The following INSYN2A variants were observed in gnomAD, a reference collection of about 807,000 sequenced individuals.
INSYN2A encodes the protein inhibitory synaptic factor 2A, also known as family with sequence similarity 196 member A.
INSYN2A carries 17 observed loss-of-function variants against 39.4 expected under a neutral mutation model. The ratio of observed to expected loss-of-function variants is 0.43; its 90% CI spans 0.30 to 0.65. The LOEUF (loss-of-function observed/expected upper bound fraction) is 0.65, where lower values mean the gene tolerates loss of function less well. Among genes scored for constraint, INSYN2A ranks in the 30% least tolerant of loss-of-function variants. The probability of loss-of-function intolerance (pLI) is 0.14; values close to 1 mark genes in which losing one functional copy is unlikely to be tolerated. For synonymous variants in INSYN2A, 255 were observed against 265.7 expected (o/e 0.96, Z 0.39); for missense variants, 595 against 631.2 (o/e 0.94, Z 0.61).
rs376988297 is a variant in INSYN2A, at chr10:127,175,877, C to G, written c.519G>C (p.Leu173Phe). Residue 173 changes from leucine to phenylalanine, a missense_variant, in exon 4 of 6, where the codon TTG becomes TTC. Coordinates refer to ENST00000522781, the MANE Select transcript of INSYN2A (RefSeq NM_001039762.3). This position sits in a 1 kb window ranked among gnomAD's most constrained non-coding sequence, Gnocchi z 6.3. ...GAGRVHKTTA[L>F]VFHSNQHMNT... is the part of the protein sequence containing the mutation. ...TCATGTGTTGGTTGGAATGGAAAACCAAGGCTGTGGTCTTGTGCACCCGCC... is the reference window on the plus strand; with the variant it reads ...TCATGTGTTGGTTGGAATGGAAAACGAAGGCTGTGGTCTTGTGCACCCGCC... 5 of 1,614,058 alleles carry G rather than the reference C, an allele frequency of 3.1e-6. No homozygotes were observed. The African/African-American group carries it at 6.7e-5, about 22-fold the overall frequency.
intron 1 of INSYN2A, among the ~76,000 whole-genome samples, chr10:127,193,715 C>G (rs748825552): frequency 6.6e-6 from 1 of 152,176 alleles, no homozygotes; most frequent in Non-Finnish European, 1.5e-5. Flanking sequence ...ATGCCTTTCA[C>G]GTACAAGTCT....
chr10:127,141,682 A>C (rs9418746), intron 5 of INSYN2A, among the ~76,000 whole-genome samples: 36,809 of 151,770 alleles, frequency 0.24, 5,338 homozygotes, highest in Middle Eastern at 0.43. Context: ...AAAACAAAAA[A>C]AAAAAAAAAG....
At chr10:127,193,632 G>A (rs1249192346) in intron 1 of INSYN2A, among the ~76,000 whole-genome samples, 8 of 152,184 alleles carry the variant, frequency 5.3e-5, no homozygotes, top group Non-Finnish European at 8.8e-5. Flanking sequence ...ACTGCGATCC[G>A]TTGTTATTTC....
At chr10:127,162,752 A>G (rs1413591) in intron 4 of INSYN2A, among the ~76,000 whole-genome samples, 76,871 of 152,170 alleles carry the variant, frequency 0.51, 21,499 homozygotes, top group East Asian at 0.75. Flanking sequence ...AGGAGCCGAC[A>G]TAACGAGCCG....
chr10:127,195,357 C>T (rs554086223), intron 1 of INSYN2A, among the ~76,000 whole-genome samples: 1 of 152,338 alleles, frequency 6.6e-6, no homozygotes, highest in South Asian at 2.1e-4. Context: ...CTGACTCGGG[C>T]TGCCAGGCAC....
chr10:127,192,198 G>A, intron 2 of INSYN2A, among the ~76,000 whole-genome samples: 1 of 152,148 alleles, frequency 6.6e-6, no homozygotes, highest in East Asian at 1.9e-4. Context: ...GTGGTAAAGA[G>A]AACATGTCTA....
chr10:127,169,911 C>T (rs1405156707), intron 4 of INSYN2A, among the ~76,000 whole-genome samples: 2 of 152,132 alleles, frequency 1.3e-5, no homozygotes, highest in Non-Finnish European at 2.9e-5. Context: ...CTCGTTCCAT[C>T]CCTCAGCTCT....
chr10:127,178,983 T>C (rs1010589084), intron 2 of INSYN2A, among the ~76,000 whole-genome samples: 3 of 152,224 alleles, frequency 2.0e-5, no homozygotes, highest in Non-Finnish European at 4.4e-5. Flanking sequence ...TAACTGCCTT[T>C]GTTGTCCAGG....
chr10:127,138,152 C>G, intron 5 of INSYN2A, 132 bp from the exon 6 acceptor site: 1 of 763,312 alleles, frequency 1.3e-6, no homozygotes, highest in Non-Finnish European at 2.1e-6. Flanking sequence ...AATAGCAATT[C>G]GATATACTAT....
chr10:127,174,527 A>C (rs954408137), intron 4 of INSYN2A, among the ~76,000 whole-genome samples: 6 of 152,192 alleles, frequency 3.9e-5, no homozygotes, highest in African/African-American at 1.4e-4. Flanking sequence ...TATCAACGCA[A>C]TAAAGTATTG....
chr10:127,188,288 G>A (rs2134059388), intron 2 of INSYN2A, among the ~76,000 whole-genome samples: 1 of 152,286 alleles, frequency 6.6e-6, no homozygotes, highest in South Asian at 2.1e-4. Context: ...TGAAAATCCA[G>A]GTCTTTCACA....
intron 4 of INSYN2A, among the ~76,000 whole-genome samples, chr10:127,163,094 G>T (rs780741138): frequency 1.3e-5 from 2 of 152,184 alleles, no homozygotes; most frequent in Non-Finnish European, 2.9e-5. Context: ...CTTGTTTGTG[G>T]CTCTCTTGCA....
intron 2 of INSYN2A, among the ~76,000 whole-genome samples, chr10:127,191,225 C>T (rs967986396): frequency 2.4e-4 from 36 of 152,132 alleles, no homozygotes; most frequent in Admixed American, 2.4e-3. Context: ...TATCCTGATT[C>T]TACCTGGGAG....
chr10:127,138,159 C>G (rs1214830335), intron 5 of INSYN2A, 139 bp from the exon 6 acceptor site: 2 of 740,788 alleles, frequency 2.7e-6, no homozygotes, highest in Non-Finnish European at 4.3e-6. Context: ...ATTCGATATA[C>G]TATGTTTTAG....
At chr10:127,156,251 C>G (rs2053034169) in intron 4 of INSYN2A, among the ~76,000 whole-genome samples, 2 of 152,144 alleles carry the variant, frequency 1.3e-5, no homozygotes, top group South Asian at 4.2e-4. Flanking sequence ...TTATGCTAGC[C>G]CCACTTACAG....
rs528947051 is a variant in INSYN2A at position 127,164,159 on chromosome 10, C to CTTTTT, written c.1185-10241_1185-10237dup. On this transcript the variant is annotated intron_variant, in intron 4 of 5. Transcript: ENST00000522781. ...CTTTGTCTTCCCTGTCATTTGCCTC[C>CTTTTT]TTTTTTTTTTTTTTTTTTTTTTTTT... is the stretch of plus-strand genomic sequence containing the variant. 4.7e-5 allele frequency among the ~76,000 whole-genome samples: 3 copies of CTTTTT among 63,582 alleles called. 1 individual carries two copies. Among genetic ancestry groups the CTTTTT allele is most frequent in the African/African-American group, 6.1e-5 (1 of 16,482 alleles). 41.7% of individuals were successfully genotyped at this position (63,582 alleles called of 152,430 possible).
rs180822315 is a variant in INSYN2A at position 127,153,942 on chromosome 10, A to G, written c.1185-19T>C. 2.6e-5 allele frequency: 41 copies of G among 1,605,794 alleles called. No individual in the cohort carries two copies. The East Asian group carries it at 8.9e-4, about 35-fold the overall frequency. On this transcript the variant is annotated intron_variant, in intron 4 of 5. Transcript: ENST00000522781. ...TGAAAGCCTACAAGATAAGAACAGGAGAGCATTACAAGCGGTGGCTGGGGG... is the reference window on the plus strand; with the variant it reads ...TGAAAGCCTACAAGATAAGAACAGGGGAGCATTACAAGCGGTGGCTGGGGG...
intron 4 of INSYN2A, among the ~76,000 whole-genome samples, chr10:127,160,555 C>G (rs1456430861): frequency 1.3e-5 from 2 of 152,222 alleles, no homozygotes; most frequent in African/African-American, 4.8e-5. Flanking sequence ...CAGTTCAGAG[C>G]TTCTAGCATG....
At chr10:127,163,012 C>T (rs1015371966) in intron 4 of INSYN2A, among the ~76,000 whole-genome samples, 1 of 152,208 alleles carries the variant, frequency 6.6e-6, no homozygotes, top group African/African-American at 2.4e-5. Flanking sequence ...AACCTGCATC[C>T]TTGGTCCGGG....
Sources: gnomAD v4.1 joint callset for allele counts (sites outside exome capture counted in the v4.1 genomes callset) on GRCh38, gnomAD v4.1.1 for gene constraint, Gnocchi (gnomAD v3.1) non-coding constraint, MANE v1.5 for transcripts, NCBI Gene and HGNC (gene_info 2026-07-23, HGNC 2026-07-21) for gene names.